The following GRHL2 variants were observed in gnomAD, a reference collection of about 807,000 sequenced individuals.
The protein encoded by GRHL2 is grainyhead like transcription factor 2.
In GRHL2, 21 loss-of-function variants were observed where a neutral mutation model predicts 83.8. The observed-to-expected ratio is 0.25, with a 90% CI of 0.18 to 0.36. The LOEUF (loss-of-function observed/expected upper bound fraction) is 0.36. GRHL2 is among the 10% of genes least tolerant of loss of function. The pLI is 1.00. For synonymous variants in GRHL2, 280 were observed against 278.9 expected (o/e 1.00, Z -0.04); for missense variants, 623 against 781.8 (o/e 0.80, Z 2.42).
chr8:101,671,259 C>G (rs1211855006), downstream of GRHL2, among the ~76,000 whole-genome samples: 1 of 152,162 alleles, frequency 6.6e-6, no homozygotes, highest in Non-Finnish European at 1.5e-5. Flanking sequence ...TCAGGGAGTT[C>G]CCTTTCCTAG....
the GRHL2 span, among the ~76,000 whole-genome samples, chr8:101,678,199 G>T: frequency 2.0e-5 from 3 of 152,070 alleles, no homozygotes; most frequent in African/African-American, 7.3e-5. Flanking sequence ...GGAGTGCCAG[G>T]CAGTGGGCGC....
intron 2 of GRHL2, among the ~76,000 whole-genome samples, chr8:101,550,346 C>A (rs191817205): frequency 6.6e-6 from 1 of 152,146 alleles, no homozygotes; most frequent in East Asian, 1.9e-4. Flanking sequence ...TCAGCCCTTG[C>A]CCTGCATCCC....
Position 101,558,593 on chromosome 8 carries a change from G to C in GRHL2, c.459G>C (p.Ser153=). 1 of 1,614,054 alleles carries C rather than the reference G, an allele frequency of 6.2e-7. No individual in the cohort carries two copies. The part of the protein sequence containing the change: ...FPESSAIIPV[S]GITVVKAEDF... The stretch of plus-strand genomic sequence containing the variant: ...AGAGCTCTGCCATCATCCCGGTGTC[G>C]GGAATCACGGTGGTGAAAGCTGAAG... The change falls in exon 4 of 16, where the codon TCG becomes TCC. Residue 153 remains serine (S), a synonymous_variant. Transcript: ENST00000646743.
intron 7 of GRHL2, among the ~76,000 whole-genome samples, chr8:101,581,982 A>G (rs1365204943): frequency 6.6e-6 from 1 of 152,216 alleles, no homozygotes; most frequent in East Asian, 1.9e-4. Context: ...TCACGCCTCT[A>G]ATCTTAGCAC....
rs1053869612 is a variant in GRHL2, at chr8:101,495,887, A to G, written c.20+3098A>G. On this transcript the variant is annotated intron_variant, in intron 1 of 15. Coordinates refer to ENST00000646743, the MANE Select transcript of GRHL2 (RefSeq NM_024915.4). ...ACAGGGGCCAGGCGCGGCGGCTCAC[A>G]CCTGTAATCCCAGCACTTTGGCAGG... Among the ~76,000 whole-genome samples the G allele has an allele frequency of 7.2e-5, 11 of 152,252 alleles. No individual in the cohort carries two copies. In the East Asian group the frequency reaches 1.9e-3, roughly 27 times the overall value.
rs1167733380 is a variant in GRHL2, at chr8:101,532,598, A to T, written c.21-10643A>T. ...AACCCTGTCTCTACTAAAAATACAA[A>T]AATTAGCTGGGCGTGGTGGCATGCA... is the stretch of plus-strand genomic sequence containing the variant. On this transcript the variant is annotated intron_variant, in intron 1 of 15. Transcript: ENST00000646743. Among the ~76,000 whole-genome samples the T allele has an allele frequency of 2.6e-5, 4 of 152,128 alleles. No individual in the cohort carries two copies. The East Asian group carries it at 7.7e-4, about 29-fold the overall frequency.
intron 4 of GRHL2, among the ~76,000 whole-genome samples, chr8:101,564,296 A>G (rs1811668247): frequency 1.3e-5 from 2 of 152,250 alleles, no homozygotes; most frequent in African/African-American, 4.8e-5. Flanking sequence ...AATTTCACCA[A>G]GAAAATTTCA....
rs996729611 is a variant in GRHL2, at chr8:101,611,799, C to T, written c.1099-7740C>T. 7.3e-5 allele frequency among the ~76,000 whole-genome samples: 11 copies of T among 150,830 alleles called. 1 individual carries two copies. Among genetic ancestry groups the T allele is most frequent in the African/African-American group, 2.7e-4 (11 of 40,302 alleles). On this transcript the variant is annotated intron_variant, in intron 8 of 15. Transcript: ENST00000646743. ...AAAAGCAGATTGATTTGCCTTTTTC[C>T]TCACCACTCCCTGCCTTTCAGGTTC...
intron 8 of GRHL2, among the ~76,000 whole-genome samples, chr8:101,604,368 C>T (rs1485658396): frequency 6.6e-6 from 1 of 152,158 alleles, no homozygotes. Flanking sequence ...CAGAGTGCAG[C>T]AAACCCTAAT....
intron 9 of GRHL2, among the ~76,000 whole-genome samples, chr8:101,628,869 T>C (rs974773452): frequency 3.3e-5 from 5 of 152,106 alleles, no homozygotes; most frequent in African/African-American, 1.2e-4. Context: ...AAAGATGTGA[T>C]TGAATTGCTG....
chr8:101,503,794 A>G (rs1424192560), intron 1 of GRHL2, among the ~76,000 whole-genome samples: 1 of 152,224 alleles, frequency 6.6e-6, no homozygotes, highest in Non-Finnish European at 1.5e-5. Flanking sequence ...GAAAGTGTTC[A>G]TGATGTATTA....
chr8:101,633,666 A>AAGTAAGGAC, intron 11 of GRHL2, among the ~76,000 whole-genome samples: 1 of 152,328 alleles, frequency 6.6e-6, no homozygotes, highest in East Asian at 1.9e-4. Context: ...GTTGGATAAG[A>AAGTAAGGAC]ACAAGGACAC....
At chr8:101,527,534 C>T (rs1018873664) in intron 1 of GRHL2, among the ~76,000 whole-genome samples, 2 of 152,058 alleles carry the variant, frequency 1.3e-5, no homozygotes, top group African/African-American at 4.8e-5. Flanking sequence ...TCTCCTGTCA[C>T]CTCTCAGGTG....
intron 4 of GRHL2, among the ~76,000 whole-genome samples, chr8:101,562,644 T>C (rs1702122483): frequency 2.0e-5 from 3 of 152,230 alleles, no homozygotes; most frequent in African/African-American, 4.8e-5. Flanking sequence ...AAAGATGATC[T>C]TGTATTCATT....
chr8:101,652,561 G>GGTGTGTGTGTGTGTGTGA (rs1813688103), intron 14 of GRHL2, among the ~76,000 whole-genome samples: 1 of 66,856 alleles, frequency 1.5e-5, no homozygotes, highest in Admixed American at 1.5e-4. Context: ...TGTATGTGTG[G>GGTGTGTGTGTGTGTGTGA]TGGTGTGTGT....
chr8:101,611,688 G>A lies in GRHL2; in HGVS notation c.1099-7851G>A, dbSNP rs1008944202. Among the ~76,000 whole-genome samples, 9 of 150,702 alleles carry A rather than the reference G, an allele frequency of 6.0e-5. 2 individuals carry two copies. The highest frequency in any genetic ancestry group is 2.0e-4 in the African/African-American group (8 of 40,206). ...CTGTCCTCTCTATAGCTTGGATGTC[G>A]GAGGCTGTGGCCACAGCTCTATCTG... On this transcript the variant is annotated intron_variant, in intron 8 of 15. Coordinates refer to ENST00000646743, the MANE Select transcript of GRHL2 (RefSeq NM_024915.4).
intron 2 of GRHL2, among the ~76,000 whole-genome samples, chr8:101,552,202 A>ATACT (rs1170101999): frequency 6.6e-6 from 1 of 152,322 alleles, no homozygotes; most frequent in East Asian, 1.9e-4. Flanking sequence ...GGGCCCAGGT[A>ATACT]TACTGGATGC....
intron 4 of GRHL2, among the ~76,000 whole-genome samples, chr8:101,566,816 T>C (rs1024905224): frequency 3.3e-5 from 5 of 151,984 alleles, no homozygotes; most frequent in South Asian, 2.1e-4. Context: ...TATAGAACTT[T>C]TGCTCTTCTT....
chr8:101,572,522 G>C (rs1187091817), intron 5 of GRHL2, among the ~76,000 whole-genome samples: 1 of 152,130 alleles, frequency 6.6e-6, no homozygotes, highest in African/African-American at 2.4e-5. Context: ...GCCATTTTCA[G>C]AGATAAAGTT....
Sources: allele counts gnomAD v4.1 joint callset (sites outside exome capture counted in the v4.1 genomes callset), GRCh38; gene constraint gnomAD v4.1.1; transcripts MANE v1.5; gene names NCBI Gene and HGNC (gene_info 2026-07-23, HGNC 2026-07-21).